NAA50: variants seen among roughly 807,000 people sequenced by gnomAD.
NAA50 encodes the protein N-alpha-acetyltransferase 50, NatE catalytic subunit.
In NAA50, 7 loss-of-function variants were observed where a neutral mutation model predicts 20.7. The ratio of observed to expected loss-of-function variants is 0.34; its 90% confidence interval spans 0.19 to 0.63. NAA50 has a LOEUF of 0.63. Ranked by LOEUF, NAA50 falls within the 30% of genes least tolerant of loss-of-function variation. The pLI, the probability that NAA50 is intolerant of heterozygous loss-of-function variation, is 0.75. For missense variants in NAA50, 111 were observed against 199.1 expected (o/e 0.56, Z 2.66); for synonymous variants, 54 against 70.6 (o/e 0.77, Z 1.18).
At chr3:113,722,756 A>G in intron 4 of NAA50, 150 bp downstream of exon 4, 1 of 943,956 alleles carries the variant, frequency 1.1e-6, no homozygotes, top group Non-Finnish European at 1.5e-6. Flanking sequence ...AAAACTAAAC[A>G]AAACTAACAA....
At chr3:113,739,932 CA>C (rs934608956) in intron 1 of NAA50, among the ~76,000 whole-genome samples, 6 of 151,388 alleles carry the variant, frequency 4.0e-5, no homozygotes, top group Non-Finnish European at 7.4e-5. Context: ...CTTGATATAA[CA>C]AAAAAAAGTT....
intron 1 of NAA50, among the ~76,000 whole-genome samples, chr3:113,739,061 T>C (rs995072757): frequency 1.3e-5 from 2 of 152,198 alleles, no homozygotes; most frequent in Non-Finnish European, 2.9e-5. Flanking sequence ...ATGTCCAAAC[T>C]TCACTAAATA....
rs1458493060 is a variant in NAA50 at position 113,718,622 on chromosome 3, GGAA to G, written c.*3135_*3137del. 6.6e-6 allele frequency: 1 copy of G among 152,008 alleles called. No individual in the cohort carries two copies. The highest frequency in any genetic ancestry group is 2.4e-5 in the African/African-American group (1 of 41,412). The allele number at this position is 152,008 out of a possible 1,614,324, so 9.4% of individuals were successfully genotyped here. On this transcript the variant is annotated 3_prime_UTR_variant, in exon 5 of 5. Coordinates refer to ENST00000240922, the MANE Select transcript of NAA50 (RefSeq NM_025146.4). Reference sequence around the variant, plus strand: ...GAACTACCGTACTCCTTCCTTACAAGGAAGAAAAACAAAACACCTGAATATGTT... The same window carrying G: ...GAACTACCGTACTCCTTCCTTACAAGGAAAAACAAAACACCTGAATATGTT...
chr3:113,728,182 T>C (rs1048028605), intron 1 of NAA50, among the ~76,000 whole-genome samples: 4 of 151,944 alleles, frequency 2.6e-5, no homozygotes, highest in African/African-American at 9.7e-5. Flanking sequence ...GAATAACCTA[T>C]AAAAAATTAA....
intron 3 of NAA50, 56 bp from the exon 4 acceptor site, chr3:113,723,028 G>T (rs1182888177): frequency 2.7e-6 from 4 of 1,464,368 alleles, no homozygotes; most frequent in Non-Finnish European, 3.6e-6. Flanking sequence ...TTTAAATTAT[G>T]TATCTATCCA....
chr3:113,717,977 T>G lies in NAA50; in HGVS notation c.*3783A>C, dbSNP rs1034346766. On this transcript the variant is annotated 3_prime_UTR_variant, in exon 5 of 5. Coordinates refer to ENST00000240922, the MANE Select transcript of NAA50 (RefSeq NM_025146.4). ...ATCCACCTCCCAGTATTCACATCCT[T>G]GTGCAGTCCCCTCCCACACTATACC... 6.6e-6 allele frequency: 1 copy of G among 152,276 alleles called. No individual in the cohort carries two copies. Among genetic ancestry groups the G allele is most frequent in the African/African-American group, 2.4e-5 (1 of 41,408 alleles). 9.4% of individuals were successfully genotyped at this position (152,276 alleles called of 1,614,324 possible).
chr3:113,729,142 C>T (rs1197881006), intron 1 of NAA50, among the ~76,000 whole-genome samples: 2 of 152,016 alleles, frequency 1.3e-5, no homozygotes, highest in South Asian at 2.1e-4. Context: ...TGTGCCACCA[C>T]TCCTAACTAA....
At chr3:113,742,288 T>G (rs1239059093) in intron 1 of NAA50, among the ~76,000 whole-genome samples, 1 of 152,156 alleles carries the variant, frequency 6.6e-6, no homozygotes, top group East Asian at 1.9e-4. Flanking sequence ...TTAAGACCAG[T>G]TTTCGCTCTG....
At chr3:113,735,692 TG>T (rs757350015) in intron 1 of NAA50, among the ~76,000 whole-genome samples, 1 of 152,208 alleles carries the variant, frequency 6.6e-6, no homozygotes, top group Non-Finnish European at 1.5e-5. Context: ...GTTTTTTGTT[TG>T]TTTGGTTTTT....
At position 113,721,784 on chromosome 3, in the gene NAA50, T is replaced by C; in HGVS notation, c.486A>G (p.Ala162=). 1 of 1,613,948 alleles carries C rather than the reference T, an allele frequency of 6.2e-7. No homozygotes were observed. Residue 162 remains alanine, a synonymous_variant, in exon 5 of 5, where the codon GCA becomes GCG. Transcript: ENST00000240922. The part of the protein sequence containing the change: ...KNLKVPSGQN[A]DVQKTDN ...TTCAGTTGTCTGTCTTTTGCACATC[T>C]GCATTCTGACCAGAAGGAACTTTGA...
intron 1 of NAA50, among the ~76,000 whole-genome samples, chr3:113,738,898 T>C (rs1042013134): frequency 3.9e-5 from 6 of 152,186 alleles, no homozygotes; most frequent in African/African-American, 1.4e-4. Context: ...AAAATTTTTA[T>C]TTCAAATGAC....
At chr3:113,728,047 T>G in intron 1 of NAA50, among the ~76,000 whole-genome samples, 1 of 150,492 alleles carries the variant, frequency 6.6e-6, no homozygotes, top group Non-Finnish European at 1.5e-5. Flanking sequence ...TATAATCAAC[T>G]TGTAAATATA....
rs560389730 is a variant in NAA50, at chr3:113,724,432, C to T, written c.9-337G>A. Among the ~76,000 whole-genome samples the T allele has an allele frequency of 3.9e-5, 6 of 152,294 alleles. No individual in the cohort carries two copies. The South Asian group carries it at 1.2e-3, about 32-fold the overall frequency. On this transcript the variant is annotated intron_variant, in intron 1 of 4. Transcript: ENST00000240922. The stretch of plus-strand genomic sequence containing the variant: ...CCTATTTCTGGTAAAATTACAGTTC[C>T]TTTGCCCAAGTATCTTATTACTTCT...
chr3:113,746,107 G>T lies in NAA50; in HGVS notation c.-158C>A. On this transcript the variant is annotated 5_prime_UTR_variant, in exon 1 of 5. Transcript: ENST00000240922. ...GCGAGCAACGAAGGCCGCGAGAGTC[G>T]AGTGAGGGCTTGAGTCTGGTGGGGG... The T allele has an allele frequency of 1.1e-6, 1 of 920,292 alleles. No homozygotes were observed. Among genetic ancestry groups the T allele is most frequent in the Non-Finnish European group, 1.6e-6 (1 of 618,608 alleles). The allele number at this position is 920,292 out of a possible 1,614,324, so 57.0% of individuals were successfully genotyped here. A position where few individuals can be genotyped will look rare whatever the true frequency, so the allele number is the denominator to read the frequency against.
At position 113,746,184 on chromosome 3, in the gene NAA50, C is replaced by T; in HGVS notation, c.-235G>A. 1.9e-6 allele frequency: 1 copy of T among 523,872 alleles called. No homozygotes were observed. The highest frequency in any genetic ancestry group is 3.3e-6 in the Non-Finnish European group (1 of 299,840). 32.5% of individuals were successfully genotyped at this position (523,872 alleles called of 1,614,324 possible). On this transcript the variant is annotated 5_prime_UTR_variant, in exon 1 of 5. It adds an upstream start codon to the 5' untranslated region. Coordinates refer to ENST00000240922, the MANE Select transcript of NAA50 (RefSeq NM_025146.4). ...GTGCCGCCGCTTCTCCACACGTGCA[C>T]TCGGGTCTCTCGGCTCCCTCCCGCC... is the stretch of plus-strand genomic sequence containing the variant.
chr3:113,723,905 TCAAGA>T, intron 2 of NAA50, 49 bp downstream of exon 2: 1 of 1,454,226 alleles, frequency 6.9e-7, no homozygotes, highest in South Asian at 1.6e-5. Flanking sequence ...AAACTAGGGT[TCAAGA>T]ACAAAAAGAA....
rs58431115 is a variant in NAA50, at chr3:113,733,853, C to CAAAAA, written c.9-9763_9-9759dup. Among the ~76,000 whole-genome samples the CAAAAA allele has an allele frequency of 2.0e-3, 136 of 68,444 alleles. 3 individuals carry two copies. The highest frequency in any genetic ancestry group is 7.4e-3 in the African/African-American group (121 of 16,350). The allele number at this position is 68,444 out of a possible 152,430, so 44.9% of individuals were successfully genotyped here. On this transcript the variant is annotated intron_variant, in intron 1 of 4. Transcript: ENST00000240922. ...GGGTGACAGAGCAAGACTCTGTCTC[C>CAAAAA]AAAAAAAAAAAAAAAAAAAAAAAGA...
Position 113,721,942 on chromosome 3 carries a change from G to C in NAA50, c.333-5C>G, listed in dbSNP as rs1269766751. ...TCATTGCTGATCTGGACATGCCTGAGATATAAGAGAGTATCAGAAAAAAAA... is the reference window on the plus strand; with the variant it reads ...TCATTGCTGATCTGGACATGCCTGACATATAAGAGAGTATCAGAAAAAAAA... On this transcript the variant is annotated splice_region_variant and splice_polypyrimidine_tract_variant and intron_variant, in intron 4 of 4. Transcript: ENST00000240922. 6.3e-7 allele frequency: 1 copy of C among 1,599,006 alleles called. No individual in the cohort carries two copies. Among genetic ancestry groups the C allele is most frequent in the Admixed American group, 1.8e-5 (1 of 55,688 alleles).
intron 1 of NAA50, among the ~76,000 whole-genome samples, chr3:113,734,190 A>ATTAAAGT (rs1484625808): frequency 6.6e-6 from 1 of 152,176 alleles, no homozygotes; most frequent in Non-Finnish European, 1.5e-5. Flanking sequence ...TCCTAAGTAA[A>ATTAAAGT]TTAAAGTAAC....
Sources: gnomAD v4.1 joint callset for allele counts (sites outside exome capture counted in the v4.1 genomes callset) on GRCh38, gnomAD v4.1.1 for gene constraint, MANE v1.5 for transcripts, NCBI Gene and HGNC (gene_info 2026-07-23, HGNC 2026-07-21) for gene names.